Variants in RPN1 observed in about 807,000 individuals in gnomAD.
RPN1 encodes dolichyl-diphosphooligosaccharide--protein glycosyltransferase subunit 1.
In RPN1, 12 loss-of-function variants were observed where a neutral mutation model predicts 55.5. The observed-to-expected ratio is 0.22, with a 90% CI of 0.14 to 0.35. RPN1 has a LOEUF of 0.35. RPN1 is among the 10% of genes least tolerant of loss of function. The probability of loss-of-function intolerance (pLI) is 1.00; values close to 1 mark genes in which losing one functional copy is unlikely to be tolerated. For synonymous variants in RPN1, 317 were observed against 305.9 expected (o/e 1.04, Z -0.38); for missense variants, 679 against 761.3 (o/e 0.89, Z 1.27).
intron 4 of RPN1, among the ~76,000 whole-genome samples, chr3:128,630,428 T>G (rs1484390136): frequency 6.6e-6 from 1 of 152,164 alleles, no homozygotes; most frequent in East Asian, 1.9e-4. Flanking sequence ...GTAAAAATAA[T>G]CTTGCAAGTT....
chr3:128,650,672 G>C lies in RPN1; in HGVS notation c.129C>G (p.Ser43Arg), dbSNP rs1318747283. The C allele has an allele frequency of 1.9e-6, 3 of 1,571,390 alleles. No individual in the cohort carries two copies. The highest frequency in any genetic ancestry group is 2.6e-6 in the Non-Finnish European group (3 of 1,158,438). ...NEDVKRTVDL[S>R]SHLAKVTAEV... ...CGGCCGTCACCTTAGCCAGGTGGCT[G>C]CTTAGGTCCACTGTGCGCTTCACGT... The change falls in exon 1 of 10, where the codon AGC becomes AGG. Residue 43 changes from serine to arginine, a missense_variant. This residue lies in a region of RPN1 where 352 missense variants were observed against 352.8 expected (regional missense o/e 1.00). Transcript: ENST00000296255.
chr3:128,644,444 G>A (rs747579571), intron 2 of RPN1: 6 of 305,608 alleles, frequency 2.0e-5, no homozygotes, highest in Non-Finnish European at 3.9e-5. Flanking sequence ...AGGAGTTCAA[G>A]ACCAGCCTGG....
rs2069810866 is a variant in RPN1 at position 128,650,609 on chromosome 3, G to A, written c.192C>T (p.Ser64=). 1.3e-6 allele frequency: 2 copies of A among 1,550,554 alleles called. No homozygotes were observed. The highest frequency in any genetic ancestry group is 1.7e-6 in the Non-Finnish European group (2 of 1,147,068). The change falls in exon 1 of 10, where the codon TCC becomes TCT. Residue 64 remains serine, a synonymous_variant. Transcript: ENST00000296255. ...VLAHLGGGST[S]RATSFLLALE... ...AAGCCAGCAGGAAAGAGGTAGCTCG[G>A]GACGTGGAGCCGCCGCCCAGGTGCG...
intron 9 of RPN1, among the ~76,000 whole-genome samples, chr3:128,621,358 C>G (rs1235219476): frequency 2.6e-5 from 4 of 152,108 alleles, no homozygotes; most frequent in Non-Finnish European, 4.4e-5. Context: ...AAAAAATTAG[C>G]CAGGCATGGT....
chr3:128,633,917 A>T (rs1326139914), intron 3 of RPN1, among the ~76,000 whole-genome samples: 2 of 152,178 alleles, frequency 1.3e-5, no homozygotes, highest in Non-Finnish European at 2.9e-5. Flanking sequence ...CGGGAGGCGG[A>T]GGCTGCAGTG....
chr3:128,637,952 A>G lies in RPN1; in HGVS notation c.480T>C (p.His160=), dbSNP rs2069693165. Residue 160 remains histidine, a synonymous_variant, in exon 3 of 10, where the codon CAT becomes CAC. Transcript: ENST00000296255. ...TCGTTGGATAGGGAGAGTAGAAATA[A>G]TGGTTCCCCTCAAACACCACAAACT... ...EKQFVVFEGN[H]YFYSPYPTKT... is the part of the protein sequence containing the mutation. 1.9e-6 allele frequency: 3 copies of G among 1,614,212 alleles called. No homozygotes were observed. Among genetic ancestry groups the G allele is most frequent in the Non-Finnish European group, 2.5e-6 (3 of 1,180,034 alleles).
intron 2 of RPN1, among the ~76,000 whole-genome samples, chr3:128,639,455 G>GAAAAAAAAAAAAAAAAAAAAA (rs370062932): frequency 1.2e-5 from 1 of 81,742 alleles, no homozygotes; most frequent in Non-Finnish European, 2.5e-5. Context: ...ACCGTCTCAA[G>GAAAAAAAAAAAAAAAAAAAAA]AAAAAAAAAA....
At chr3:128,646,157 A>T (rs1432459791) in intron 1 of RPN1, among the ~76,000 whole-genome samples, 1 of 135,140 alleles carries the variant, frequency 7.4e-6, no homozygotes, top group African/African-American at 2.8e-5. Flanking sequence ...TGGGAGACGG[A>T]GGTTGCAGTG....
At chr3:128,636,953 A>G (rs895017338) in intron 3 of RPN1, among the ~76,000 whole-genome samples, 2 of 152,160 alleles carry the variant, frequency 1.3e-5, no homozygotes, top group African/African-American at 4.8e-5. Flanking sequence ...CTCTAGCAAA[A>G]AGGCCAGGGA....
chr3:128,638,442 G>A (rs891811752), intron 2 of RPN1, among the ~76,000 whole-genome samples: 1 of 152,114 alleles, frequency 6.6e-6, no homozygotes, highest in Non-Finnish European at 1.5e-5. Context: ...AAACAGCCCT[G>A]AGAGAAACAG....
At chr3:128,648,969 T>C (rs1226894091) in intron 1 of RPN1, among the ~76,000 whole-genome samples, 2 of 152,190 alleles carry the variant, frequency 1.3e-5, no homozygotes, top group East Asian at 3.8e-4. Context: ...TATATGAGGA[T>C]TTATACCTTA....
chr3:128,633,726 G>A (rs988891269), intron 3 of RPN1, among the ~76,000 whole-genome samples: 3 of 152,052 alleles, frequency 2.0e-5, no homozygotes, highest in Non-Finnish European at 4.4e-5. Flanking sequence ...TTTACAGGCT[G>A]GGCACAGTGA....
At chr3:128,637,249 A>T (rs1411312872) in intron 3 of RPN1, among the ~76,000 whole-genome samples, 1 of 151,858 alleles carries the variant, frequency 6.6e-6, no homozygotes, top group East Asian at 1.9e-4. Context: ...TAAAAAAAAA[A>T]ATTTTTTTAA....
rs558188063 is a variant in RPN1 at position 128,645,757 on chromosome 3, C to T, written c.262-774G>A. On this transcript the variant is annotated intron_variant, in intron 1 of 9. Coordinates refer to ENST00000296255, the MANE Select transcript of RPN1 (RefSeq NM_002950.4). ...ACTTGAACCTGGGAGGCAGAGGTTG[C>T]AGTGAGCCGAGATTGCACCACCACT... is the stretch of plus-strand genomic sequence containing the variant. Among the ~76,000 whole-genome samples the T allele has an allele frequency of 3.9e-5, 6 of 152,200 alleles. No individual in the cohort carries two copies. In the South Asian group the frequency reaches 1.2e-3, roughly 32 times the overall value.
chr3:128,648,837 T>TTA (rs2069790442), intron 1 of RPN1, among the ~76,000 whole-genome samples: 1 of 152,188 alleles, frequency 6.6e-6, no homozygotes, highest in Admixed American at 6.5e-5. Context: ...AGAGGCAACA[T>TTA]TATACAGTGT....
At position 128,625,925 on chromosome 3, in the gene RPN1, C is replaced by G. The variant is rs2069596428; in HGVS notation, c.1224G>C (p.Val408=). 1.2e-6 allele frequency: 2 copies of G among 1,614,008 alleles called. No individual in the cohort carries two copies. Among genetic ancestry groups the G allele is most frequent in the East Asian group, 4.5e-5 (2 of 44,886 alleles). The change falls in exon 7 of 10, where the codon GTG becomes GTC. Residue 408 remains valine (V), a synonymous_variant. Coordinates refer to ENST00000296255, the MANE Select transcript of RPN1 (RefSeq NM_002950.4). ...CCAGATTTTTCTTGTAGGCAACAAT[C>G]ACAGGGCGGCCAAATGTGTCCAGAT... ...YTYLDTFGRP[V]IVAYKKNLVE...
chr3:128,624,162 T>G lies in RPN1; in HGVS notation c.1395+1372A>C, dbSNP rs560652740. Among the ~76,000 whole-genome samples the G allele has an allele frequency of 5.3e-5, 8 of 152,232 alleles. No individual in the cohort carries two copies. The East Asian group carries it at 1.3e-3, about 26-fold the overall frequency. On this transcript the variant is annotated intron_variant, in intron 8 of 9. Coordinates refer to ENST00000296255, the MANE Select transcript of RPN1 (RefSeq NM_002950.4). ...GTTTCAGTTCCCTCAAACACTGTAT[T>G]GAGTACTGTATTTCCTATCTGCATT...
chr3:128,632,551 T>A (rs1397176070), intron 3 of RPN1, among the ~76,000 whole-genome samples: 1 of 152,196 alleles, frequency 6.6e-6, no homozygotes, highest in Non-Finnish European at 1.5e-5. Flanking sequence ...TTCAAGGTCA[T>A]AAACCTAAGT....
chr3:128,621,347 CA>C (rs1177303581), intron 9 of RPN1, among the ~76,000 whole-genome samples: 2 of 152,084 alleles, frequency 1.3e-5, no homozygotes, highest in Non-Finnish European at 2.9e-5. Context: ...CCCATCTCTA[CA>C]AAAAATTAGC....
Sources: allele counts gnomAD v4.1 joint callset (sites outside exome capture counted in the v4.1 genomes callset), GRCh38; gene constraint gnomAD v4.1.1; regional missense constraint gnomAD v4.1.1; transcripts MANE v1.5; gene names NCBI Gene and HGNC (gene_info 2026-07-23, HGNC 2026-07-21).